Variants in WAC observed in about 807,000 individuals in gnomAD.
The protein encoded by WAC is WW domain containing adaptor with coiled-coil, also known as WW domain-containing adapter protein with coiled-coil.
WAC carries 11 observed loss-of-function variants against 79.6 expected under a neutral mutation model. The ratio of observed to expected loss-of-function variants is 0.14; its 90% confidence interval spans 0.09 to 0.23. The LOEUF (loss-of-function observed/expected upper bound fraction) is 0.23. Among genes scored for constraint, WAC ranks in the 10% least tolerant of loss-of-function variants. The pLI, the probability that WAC is intolerant of heterozygous loss-of-function variation, is 1.00. For synonymous variants in WAC, 304 were observed against 276.9 expected, an observed-to-expected ratio of 1.10 and a Z score of -0.97; for missense variants, 728 against 773.5, an observed-to-expected ratio of 0.94 and a Z score of 0.70.
At chr10:28,602,220 T>C (rs914654168) in intron 7 of WAC, among the ~76,000 whole-genome samples, 3 of 152,196 alleles carry the variant, frequency 2.0e-5, no homozygotes, top group African/African-American at 4.8e-5. Context: ...GATGTCACTT[T>C]AGCAAAATCT....
At chr10:28,580,192 T>G (rs1047465614) in intron 3 of WAC, among the ~76,000 whole-genome samples, 3 of 152,150 alleles carry the variant, frequency 2.0e-5, no homozygotes, top group African/African-American at 7.2e-5. Context: ...GCTTATGACT[T>G]GATTATTATG....
At chr10:28,543,435 CTATT>C (rs1399436951) in intron 3 of WAC, among the ~76,000 whole-genome samples, 2 of 152,194 alleles carry the variant, frequency 1.3e-5, no homozygotes, top group South Asian at 2.1e-4. Context: ...AACCTAGTGT[CTATT>C]TAACATTTAC....
At chr10:28,547,179 A>ATT (rs1837394602) in intron 3 of WAC, among the ~76,000 whole-genome samples, 1 of 152,004 alleles carries the variant, frequency 6.6e-6, no homozygotes, top group Admixed American at 6.6e-5. Flanking sequence ...AGCATAGTTC[A>ATT]TTTCATTTCT....
At chr10:28,559,136 A>ATGTGTGTG (rs111740298) in intron 3 of WAC, among the ~76,000 whole-genome samples, 2,865 of 146,714 alleles carry the variant, frequency 0.02, 40 homozygotes, top group Middle Eastern at 0.034. Flanking sequence ...GAGAAACCTG[A>ATGTGTGTG]TGTGTGTGTG....
At position 28,617,794 on chromosome 10, in the gene WAC, TC is replaced by T; in HGVS notation, c.1874+11del. 1 of 1,572,772 alleles carries T rather than the reference TC, an allele frequency of 6.4e-7. No individual in the cohort carries two copies. Among genetic ancestry groups the T allele is most frequent in the African/African-American group, 1.4e-5 (1 of 72,628 alleles). On this transcript the variant is annotated intron_variant, in intron 13 of 13. Transcript: ENST00000354911. ...CTTTGCGAGAGCAAAGGTAAGTCTT[TC>T]ACTGAAATATATTTTTATGTTTCTC...
chr10:28,571,517 T>C (rs980314408), intron 3 of WAC, among the ~76,000 whole-genome samples: 1 of 152,232 alleles, frequency 6.6e-6, no homozygotes, highest in Non-Finnish European at 1.5e-5. Flanking sequence ...CTGTTGTTCA[T>C]AATGTGTCCC....
chr10:28,576,911 A>G lies in WAC; in HGVS notation c.275-6488A>G, dbSNP rs563950841. On this transcript the variant is annotated intron_variant, in intron 3 of 13. Coordinates refer to ENST00000354911, the MANE Select transcript of WAC (RefSeq NM_016628.5). The stretch of plus-strand genomic sequence containing the variant: ...ATCAATATAAAAATATTAATGTGAT[A>G]TTTTGCATTTGTTTTTTTACCTAAG... Among the ~76,000 whole-genome samples the G allele has an allele frequency of 3.5e-4, 53 of 152,216 alleles. No individual in the cohort carries two copies. The East Asian group carries it at 6.8e-3, about 19-fold the overall frequency.
intron 7 of WAC, among the ~76,000 whole-genome samples, chr10:28,606,809 C>T (rs1840977816): frequency 6.6e-6 from 1 of 152,170 alleles, no homozygotes. Context: ...AGGGGAATTA[C>T]TGGGTCATGT....
At chr10:28,608,034 T>TAAA in intron 7 of WAC, 152 bp from the exon 8 acceptor site, 1 of 786,950 alleles carries the variant, frequency 1.3e-6, no homozygotes, top group Non-Finnish European at 2.0e-6. Flanking sequence ...GTCATGTGAA[T>TAAA]GTTTACTGAG....
intron 3 of WAC, among the ~76,000 whole-genome samples, chr10:28,574,881 CT>C (rs1388328387): frequency 2.0e-5 from 3 of 151,992 alleles, no homozygotes; most frequent in African/African-American, 4.8e-5. Flanking sequence ...CTCTTTTTCA[CT>C]GCTTTATTCT....
chr10:28,552,698 G>T (rs965219332), intron 3 of WAC, among the ~76,000 whole-genome samples: 1 of 152,048 alleles, frequency 6.6e-6, no homozygotes, highest in Non-Finnish European at 1.5e-5. Flanking sequence ...GTATCATTTA[G>T]GATTGTATGC....
At chr10:28,545,026 G>T (rs1837274167) in intron 3 of WAC, among the ~76,000 whole-genome samples, 1 of 127,812 alleles carries the variant, frequency 7.8e-6, no homozygotes, top group Admixed American at 8.5e-5. Context: ...GGGTGACAGA[G>T]TGAGACTCTG....
intron 3 of WAC, among the ~76,000 whole-genome samples, chr10:28,563,720 C>T (rs954823943): frequency 3.0e-5 from 4 of 132,396 alleles, no homozygotes; most frequent in Non-Finnish European, 6.2e-5. Flanking sequence ...GCTGGGACTA[C>T]AAGTGCATGC....
At chr10:28,606,108 G>A (rs1840932461) in intron 7 of WAC, among the ~76,000 whole-genome samples, 1 of 151,348 alleles carries the variant, frequency 6.6e-6, no homozygotes, top group African/African-American at 2.4e-5. Context: ...CTAGATTGCA[G>A]TGGCTGAATC....
Position 28,622,312 on chromosome 10 carries a change from A to G in WAC, c.*2706A>G, listed in dbSNP as rs1269753330. On this transcript the variant is annotated 3_prime_UTR_variant, in exon 14 of 14. Transcript: ENST00000354911. ...AAATAAGCATAATGTTCTGGACTAG[A>G]GTATTCCTTATCTAGTTGGTTATGG... 1.3e-5 allele frequency: 2 copies of G among 150,214 alleles called. No individual in the cohort carries two copies. The highest frequency in any genetic ancestry group is 3.0e-5 in the Non-Finnish European group (2 of 67,736). The allele number at this position is 150,214 out of a possible 1,614,324, so 9.3% of individuals were successfully genotyped here. A position where few individuals can be genotyped will look rare whatever the true frequency, so the allele number is the denominator to read the frequency against.
chr10:28,605,425 G>T (rs895669199), intron 7 of WAC, among the ~76,000 whole-genome samples: 1 of 152,176 alleles, frequency 6.6e-6, no homozygotes, highest in Non-Finnish European at 1.5e-5. Context: ...TGAGCAGTCT[G>T]TTGAGGACTA....
At chr10:28,539,892 A>G (rs1836916765) in intron 3 of WAC, among the ~76,000 whole-genome samples, 1 of 152,138 alleles carries the variant, frequency 6.6e-6, no homozygotes, top group Non-Finnish European at 1.5e-5. Context: ...ATTTAGCTAT[A>G]TCTTTGGAAA....
At chr10:28,583,575 C>A in intron 4 of WAC, 70 bp downstream of exon 4, 2 of 947,304 alleles carry the variant, frequency 2.1e-6, no homozygotes, top group Non-Finnish European at 1.6e-6. Flanking sequence ...AAAATACAAC[C>A]CATGGCAAGT....
chr10:28,597,666 T>C (rs1204548428), intron 7 of WAC, among the ~76,000 whole-genome samples: 2 of 152,216 alleles, frequency 1.3e-5, no homozygotes, highest in Non-Finnish European at 2.9e-5. Context: ...ACGTATCTAC[T>C]TACCTTCTGT....
Sources: allele counts gnomAD v4.1 joint callset (sites outside exome capture counted in the v4.1 genomes callset), GRCh38; gene constraint gnomAD v4.1.1; transcripts MANE v1.5; gene names NCBI Gene and HGNC (gene_info 2026-07-23, HGNC 2026-07-21).